The following ABHD3 variants were observed in gnomAD, a reference collection of about 807,000 sequenced individuals.
The protein encoded by ABHD3 is abhydrolase domain containing 3, phospholipase, also known as phospholipase ABHD3.
In ABHD3, 46 loss-of-function variants were observed where a neutral mutation model predicts 48.8. That is an observed-to-expected ratio of 0.94 (90% CI 0.74 to 1.20). The LOEUF (loss-of-function observed/expected upper bound fraction) is 1.20, where lower values mean the gene tolerates loss of function less well. Among genes scored for constraint, ABHD3 ranks in the 50% most tolerant of loss-of-function variants. The pLI is 0.00. For missense variants in ABHD3, 490 were observed against 497.8 expected (o/e 0.98, Z 0.15); for synonymous variants, 192 against 183.7 (o/e 1.04, Z -0.36).
intron 2 of ABHD3, 51 bp downstream of exon 2, chr18:21,703,533 A>G (rs777816753): frequency 2.0e-5 from 31 of 1,578,100 alleles, no homozygotes; most frequent in South Asian, 1.0e-4. Flanking sequence ...AAGCAAGCAA[A>G]CAAACAACCT....
At chr18:21,675,053 C>G (rs1013769255) in intron 4 of ABHD3, among the ~76,000 whole-genome samples, 1 of 152,034 alleles carries the variant, frequency 6.6e-6, no homozygotes, top group Non-Finnish European at 1.5e-5. Context: ...CCCAAAGAAT[C>G]TGAGGTTGGA....
At chr18:21,680,438 C>CT (rs2039979342) in intron 4 of ABHD3, among the ~76,000 whole-genome samples, 1 of 152,212 alleles carries the variant, frequency 6.6e-6, no homozygotes, top group Non-Finnish European at 1.5e-5. Flanking sequence ...TCACTTATAG[C>CT]TGGTTAGTGG....
chr18:21,677,379 G>A (rs980148579), intron 4 of ABHD3, among the ~76,000 whole-genome samples: 3 of 119,986 alleles, frequency 2.5e-5, no homozygotes, highest in Non-Finnish European at 3.6e-5. Context: ...TTTTTTTTTT[G>A]TATTTTTAGT....
At chr18:21,663,774 C>T (rs1367408450) in intron 5 of ABHD3, 5 of 1,535,074 alleles carry the variant, frequency 3.3e-6, no homozygotes, top group Non-Finnish European at 4.4e-6. Context: ...ACAAGTTCAG[C>T]TTCAGAACGC....
chr18:21,673,193 T>C (rs2039794195), intron 4 of ABHD3, among the ~76,000 whole-genome samples: 1 of 152,182 alleles, frequency 6.6e-6, no homozygotes, highest in Non-Finnish European at 1.5e-5. Flanking sequence ...CAGCCCTGTT[T>C]GTACATTAGA....
At chr18:21,687,351 G>C (rs1252590671) in intron 3 of ABHD3, among the ~76,000 whole-genome samples, 1 of 151,604 alleles carries the variant, frequency 6.6e-6, no homozygotes, top group Non-Finnish European at 1.5e-5. Context: ...TGGGACTACA[G>C]GTGCCTACCA....
At chr18:21,698,816 GGTGATCCACCCACC>G (rs1028986914) in intron 3 of ABHD3, among the ~76,000 whole-genome samples, 6 of 152,058 alleles carry the variant, frequency 3.9e-5, no homozygotes, top group African/African-American at 1.4e-4. Flanking sequence ...CCTGACCTCA[GGTGATCCACCCACC>G]TTGGCCTCCC....
chr18:21,667,522 T>C (rs978731281), intron 4 of ABHD3, among the ~76,000 whole-genome samples: 13 of 152,096 alleles, frequency 8.5e-5, no homozygotes, highest in African/African-American at 2.4e-4. Flanking sequence ...ATTACAGGCG[T>C]GAATCACCGC....
intron 3 of ABHD3, among the ~76,000 whole-genome samples, chr18:21,685,685 C>T (rs75988801): frequency 0.046 from 6,924 of 152,160 alleles, 214 homozygotes; most frequent in South Asian, 0.079. Flanking sequence ...CACACCAACA[C>T]GGCTCAGCTA....
At chr18:21,684,062 A>G in intron 3 of ABHD3, 97 bp from the exon 4 acceptor site, 1 of 1,058,650 alleles carries the variant, frequency 9.4e-7, no homozygotes, top group Non-Finnish European at 1.4e-6. Flanking sequence ...TTAGAGCACT[A>G]AAAGATTTTA....
At chr18:21,702,981 G>A (rs1213230415) in intron 2 of ABHD3, among the ~76,000 whole-genome samples, 1 of 152,090 alleles carries the variant, frequency 6.6e-6, no homozygotes, top group Non-Finnish European at 1.5e-5. Flanking sequence ...TGAACTTACA[G>A]AATTTTCCCA....
Position 21,651,555 on chromosome 18 carries a change from T to A in ABHD3, c.*36A>T, listed in dbSNP as rs1251390997. ...CACTAAGCTGAGCTGCCTTCACAAT[T>A]GTGGTTCAGACAAAATGCACCCAAA... On this transcript the variant is annotated 3_prime_UTR_variant, in exon 9 of 9. Transcript: ENST00000289119. 8.1e-6 allele frequency: 13 copies of A among 1,611,538 alleles called. No homozygotes were observed. Among genetic ancestry groups the A allele is most frequent in the Non-Finnish European group, 1.0e-5 (12 of 1,178,970 alleles).
At chr18:21,684,211 A>AAGAGT (rs1348433735) in intron 3 of ABHD3, among the ~76,000 whole-genome samples, 3 of 152,122 alleles carry the variant, frequency 2.0e-5, no homozygotes, top group Non-Finnish European at 4.4e-5. Context: ...TTTTCCTACC[A>AAGAGT]AGAGTAGACT....
chr18:21,651,785 G>T, intron 8 of ABHD3, 22 bp from the exon 9 acceptor site: 1 of 1,495,664 alleles, frequency 6.7e-7, no homozygotes, highest in Non-Finnish European at 8.9e-7. Flanking sequence ...AAAAAACATG[G>T]CAATAAGAGA....
At chr18:21,698,843 A>G (rs1192977879) in intron 3 of ABHD3, among the ~76,000 whole-genome samples, 1 of 152,138 alleles carries the variant, frequency 6.6e-6, no homozygotes, top group Admixed American at 6.5e-5. Flanking sequence ...GGCCTCCCAG[A>G]CTGCTGGGAT....
At chr18:21,698,106 T>C (rs781491632) in intron 3 of ABHD3, among the ~76,000 whole-genome samples, 4 of 152,184 alleles carry the variant, frequency 2.6e-5, no homozygotes, top group Non-Finnish European at 5.9e-5. Context: ...GTAACATCTA[T>C]ATACTCCCAC....
At chr18:21,686,348 C>T (rs2040128854) in intron 3 of ABHD3, among the ~76,000 whole-genome samples, 1 of 152,176 alleles carries the variant, frequency 6.6e-6, no homozygotes, top group African/African-American at 2.4e-5. Context: ...TTGAAGCTCC[C>T]AGTCATTCAG....
chr18:21,654,213 G>A (rs2039294053), intron 8 of ABHD3, among the ~76,000 whole-genome samples: 2 of 151,906 alleles, frequency 1.3e-5, no homozygotes, highest in South Asian at 4.1e-4. Flanking sequence ...GCAAGATCCT[G>A]TCTCCAAATA....
intron 1 of ABHD3, among the ~76,000 whole-genome samples, chr18:21,704,023 C>T (rs946827632): frequency 3.9e-5 from 6 of 152,234 alleles, no homozygotes; most frequent in African/African-American, 1.4e-4. Flanking sequence ...TCCCGAGTAG[C>T]TGGGATTGCA....
Sources: gnomAD v4.1 joint callset for allele counts (sites outside exome capture counted in the v4.1 genomes callset) on GRCh38, gnomAD v4.1.1 for gene constraint, MANE v1.5 for transcripts, NCBI Gene and HGNC (gene_info 2026-07-23, HGNC 2026-07-21) for gene names.